CARF: variants seen among roughly 807,000 people sequenced by gnomAD.
The protein encoded by CARF is calcium responsive transcription factor.
Under a neutral mutation model 82.0 loss-of-function variants are expected in CARF, and 57 were observed. The ratio of observed to expected loss-of-function variants is 0.70; its 90% CI spans 0.56 to 0.87. The LOEUF (loss-of-function observed/expected upper bound fraction) is 0.87, where lower values mean the gene tolerates loss of function less well. CARF is among the 40% of genes least tolerant of loss of function. The pLI is 0.00. For missense variants in CARF, 771 were observed against 855.8 expected, an observed-to-expected ratio of 0.90 and a Z score of 1.24; for synonymous variants, 268 against 290.1, an observed-to-expected ratio of 0.92 and a Z score of 0.77.
intron 1 of CARF, among the ~76,000 whole-genome samples, 194 bp downstream of exon 1, chr2:202,913,296 C>T (rs2105921527): frequency 6.6e-6 from 1 of 152,280 alleles, no homozygotes; most frequent in Middle Eastern, 3.4e-3. Context: ...TTTCAGTTTA[C>T]TCACCTTTGT....
intron 5 of CARF, among the ~76,000 whole-genome samples, chr2:202,947,610 G>A (rs768173523): frequency 2.6e-5 from 4 of 152,074 alleles, no homozygotes; most frequent in East Asian, 3.9e-4. Flanking sequence ...AAACTTGCAC[G>A]TTCAGCATAT....
rs1201516207 is a variant in CARF, at chr2:202,986,745, C to T, written c.*3121C>T. On this transcript the variant is annotated 3_prime_UTR_variant, in exon 17 of 17. Transcript: ENST00000438828. ...CATTAGAGTTTCTAATTCTGAGACC[C>T]ACCAGCTTGTGTTTCATCTTCTTTA... is the stretch of plus-strand genomic sequence containing the variant. 1 of 150,774 alleles carries T rather than the reference C, an allele frequency of 6.6e-6. No individual in the cohort carries two copies. The highest frequency in any genetic ancestry group is 1.5e-5 in the Non-Finnish European group (1 of 67,642). The allele number at this position is 150,774 out of a possible 1,614,324, so 9.3% of individuals were successfully genotyped here.
At chr2:202,929,695 A>G (rs1574514084) in intron 3 of CARF, among the ~76,000 whole-genome samples, 1 of 151,980 alleles carries the variant, frequency 6.6e-6, no homozygotes, top group African/African-American at 2.4e-5. Context: ...ACAAATTTTA[A>G]GGTTTTTGTT....
intron 4 of CARF, 82 bp downstream of exon 4, chr2:202,942,062 C>A: frequency 9.0e-7 from 1 of 1,111,434 alleles, no homozygotes; most frequent in Non-Finnish European, 1.4e-6. Flanking sequence ...CAAGGGATAG[C>A]TGTTATATTT....
chr2:202,967,005 A>C lies in CARF; in HGVS notation c.860A>C (p.Gln287Pro). 1 of 1,614,016 alleles carries C rather than the reference A, an allele frequency of 6.2e-7. No individual in the cohort carries two copies. The highest frequency in any genetic ancestry group is 1.1e-5 in the South Asian group (1 of 91,070). The change falls in exon 10 of 17, where the codon CAG (glutamine) becomes CCG (proline). Residue 287 changes from glutamine (Q) to proline (P), a missense_variant. Physicochemically the swap from Gln to Pro is moderately conservative, Grantham distance 76. Transcript: ENST00000438828. The part of the protein sequence containing the change: ...AGSRAVVMEC[Q>P]YGPRRKGFQL... Reference sequence around the variant, plus strand: ...AGTAGAGCTGTGGTAATGGAGTGTCAGTATGGGCCAAGAAGAAAAGGTTTC... The same window carrying C: ...AGTAGAGCTGTGGTAATGGAGTGTCCGTATGGGCCAAGAAGAAAAGGTTTC...
intron 1 of CARF, among the ~76,000 whole-genome samples, chr2:202,917,344 G>C (rs1188661463): frequency 4.0e-5 from 6 of 151,722 alleles, no homozygotes; most frequent in Non-Finnish European, 8.8e-5. Context: ...CAATTTGCCG[G>C]CAAAATTTAA....
chr2:202,986,895 T>TATATACATATATATATATATATAC lies in CARF; in HGVS notation c.*3276_*3277insCATATATATATATATATACATATA, dbSNP rs1192034453. 3.3e-4 allele frequency: 36 copies of TATATACATATATATATATATATAC among 107,514 alleles called. No homozygotes were observed. The highest frequency in any genetic ancestry group is 5.6e-4 in the Non-Finnish European group (25 of 44,500). The allele number at this position is 107,514 out of a possible 1,614,324, so 6.7% of individuals were successfully genotyped here. A position where few individuals can be genotyped will look rare whatever the true frequency, so the allele number is the denominator to read the frequency against. On this transcript the variant is annotated 3_prime_UTR_variant, in exon 17 of 17. Coordinates refer to ENST00000438828, the MANE Select transcript of CARF (RefSeq NM_024744.17). ...ATATATATATATATATATATATATA[T>TATATACATATATATATATATATAC]ATATATATATATAGCAACTTGATGT...
intron 3 of CARF, among the ~76,000 whole-genome samples, chr2:202,936,266 C>T (rs1477048945): frequency 6.6e-6 from 1 of 152,056 alleles, no homozygotes; most frequent in Non-Finnish European, 1.5e-5. Context: ...TGTGGTGGTA[C>T]TATTTTACTT....
chr2:202,947,117 C>T (rs1175210827), intron 5 of CARF, among the ~76,000 whole-genome samples: 2 of 152,122 alleles, frequency 1.3e-5, no homozygotes, highest in African/African-American at 4.8e-5. Flanking sequence ...CCAGCAATCT[C>T]ATTACTTTGT....
chr2:202,951,777 A>G (rs1159007320), intron 5 of CARF, among the ~76,000 whole-genome samples: 1 of 152,012 alleles, frequency 6.6e-6, no homozygotes, highest in Non-Finnish European at 1.5e-5. Context: ...CATAGAGACT[A>G]TATATAAATG....
chr2:202,952,675 T>G lies in CARF; in HGVS notation c.423T>G (p.Pro141=). The G allele has an allele frequency of 6.2e-7, 1 of 1,611,238 alleles. No homozygotes were observed. Among genetic ancestry groups the G allele is most frequent in the Non-Finnish European group, 8.5e-7 (1 of 1,178,382 alleles). ...GGCAACTTGTGGATGTGAATAGTCCTCGGGGTGAGTAACAACGGGATATAG... is the reference window on the plus strand; with the variant it reads ...GGCAACTTGTGGATGTGAATAGTCCGCGGGGTGAGTAACAACGGGATATAG... ...PQGQLVDVNS[P]RDVPEEKPSN... Residue 141 remains proline (P), a synonymous_variant, in exon 6 of 17, where the codon CCT becomes CCG. Coordinates refer to ENST00000438828, the MANE Select transcript of CARF (RefSeq NM_024744.17).
chr2:202,950,706 T>C (rs1159853477), intron 5 of CARF, among the ~76,000 whole-genome samples: 2 of 152,316 alleles, frequency 1.3e-5, no homozygotes, highest in Non-Finnish European at 2.9e-5. Flanking sequence ...GTGTGACAGT[T>C]TCCTCATTTA....
chr2:202,975,716 T>C (rs1201486079), intron 13 of CARF, among the ~76,000 whole-genome samples: 1 of 152,182 alleles, frequency 6.6e-6, no homozygotes, highest in East Asian at 1.9e-4. Flanking sequence ...TGTATATATT[T>C]CCCCTCCCTT....
chr2:202,946,689 A>C (rs574240038), intron 5 of CARF, among the ~76,000 whole-genome samples: 104 of 152,218 alleles, frequency 6.8e-4, no homozygotes, highest in Admixed American at 4.3e-3. Flanking sequence ...AAAAGAAACT[A>C]TCAGAGTGAA....
Position 202,987,009 on chromosome 2 carries a change from G to A in CARF, c.*3385G>A, listed in dbSNP as rs959574521. 2.7e-5 allele frequency: 4 copies of A among 147,752 alleles called. No homozygotes were observed. The highest frequency in any genetic ancestry group is 6.9e-5 in the Admixed American group (1 of 14,538). The allele number at this position is 147,752 out of a possible 1,614,324, so 9.2% of individuals were successfully genotyped here. A position where few individuals can be genotyped will look rare whatever the true frequency, so the allele number is the denominator to read the frequency against. Reference sequence around the variant, plus strand: ...GTTTTCTTTTTATATTTTTCTTAGAGATAGTGGCAATTTTGTTCATCTTGA... The same window carrying A: ...GTTTTCTTTTTATATTTTTCTTAGAAATAGTGGCAATTTTGTTCATCTTGA... On this transcript the variant is annotated 3_prime_UTR_variant, in exon 17 of 17. Coordinates refer to ENST00000438828, the MANE Select transcript of CARF (RefSeq NM_024744.17).
chr2:202,952,465 G>T, intron 5 of CARF, 94 bp from the exon 6 acceptor site: 1 of 1,145,286 alleles, frequency 8.7e-7, no homozygotes. Context: ...CCATCATAGA[G>T]CTAGGTATGT....
At chr2:202,944,888 G>T (rs2058418022) in intron 5 of CARF, among the ~76,000 whole-genome samples, 1 of 150,850 alleles carries the variant, frequency 6.6e-6, no homozygotes, top group Non-Finnish European at 1.5e-5. Flanking sequence ...GTTTATTTGA[G>T]TCCAAAAAAA....
chr2:202,970,441 C>G (rs1305446195), intron 11 of CARF, among the ~76,000 whole-genome samples: 2 of 152,144 alleles, frequency 1.3e-5, no homozygotes, highest in African/African-American at 2.4e-5. Context: ...TTTTTTAAAA[C>G]TAATCTTTGA....
At chr2:202,952,151 C>T (rs1574647220) in intron 5 of CARF, among the ~76,000 whole-genome samples, 4 of 151,930 alleles carry the variant, frequency 2.6e-5, no homozygotes, top group South Asian at 4.2e-4. Context: ...CATTTTTAAA[C>T]GAAGGAAGAT....
Sources: allele counts gnomAD v4.1 joint callset (sites outside exome capture counted in the v4.1 genomes callset), GRCh38; gene constraint gnomAD v4.1.1; transcripts MANE v1.5; gene names NCBI Gene and HGNC (gene_info 2026-07-23, HGNC 2026-07-21).